The following CAMK2A variants were observed in gnomAD, a reference collection of about 807,000 sequenced individuals.
The protein encoded by CAMK2A is calcium/calmodulin-dependent protein kinase type II subunit alpha.
Under a neutral mutation model 79.2 loss-of-function variants are expected in CAMK2A, and 7 were observed. The ratio of observed to expected loss-of-function variants is 0.09; its 90% CI spans 0.05 to 0.17. The LOEUF is 0.17. CAMK2A is among the 10% of genes least tolerant of loss of function. The pLI is 1.00. For missense variants in CAMK2A, 214 were observed against 646.4 expected, an observed-to-expected ratio of 0.33 and a Z score of 7.25; for synonymous variants, 242 against 251.7, an observed-to-expected ratio of 0.96 and a Z score of 0.36.
rs779137754 is a variant in CAMK2A, at chr5:150,238,545, C to T, written c.1066+155G>A. ...CCCCCGCCCTCCATGGGAATGATGC[C>T]TCCCAGTGTGCCCAGTTTATAAGGC... On this transcript the variant is annotated intron_variant, in intron 15 of 18. Coordinates refer to ENST00000671881, the MANE Select transcript of CAMK2A (RefSeq NM_015981.4). 4.0e-6 allele frequency: 3 copies of T among 758,994 alleles called. No homozygotes were observed. In the South Asian group the frequency reaches 4.4e-5, roughly 11 times the overall value. The allele number at this position is 758,994 out of a possible 1,614,324, so 47.0% of individuals were successfully genotyped here. A position where few individuals can be genotyped will look rare whatever the true frequency, so the allele number is the denominator to read the frequency against.
intron 3 of CAMK2A, among the ~76,000 whole-genome samples, chr5:150,263,326 G>A (rs578194333): frequency 7.6e-4 from 116 of 152,132 alleles, no homozygotes; most frequent in Non-Finnish European, 8.5e-4. Context: ...CTGCAGTTGT[G>A]CAGCAACACA....
intron 2 of CAMK2A, among the ~76,000 whole-genome samples, chr5:150,270,673 A>G (rs1027759084): frequency 2.6e-5 from 4 of 152,032 alleles, no homozygotes; most frequent in African/African-American, 7.2e-5. Flanking sequence ...CCCGCTGGGA[A>G]GAAAAGCGGC....
intron 2 of CAMK2A, among the ~76,000 whole-genome samples, chr5:150,267,783 C>CA (rs1274967684): frequency 1.3e-5 from 2 of 151,648 alleles, no homozygotes; most frequent in Non-Finnish European, 2.9e-5. Flanking sequence ...GTCCCTTTAT[C>CA]AAAATCACTC....
chr5:150,282,498 G>T (rs1757256365), intron 1 of CAMK2A, among the ~76,000 whole-genome samples: 1 of 152,264 alleles, frequency 6.6e-6, no homozygotes, highest in Admixed American at 6.5e-5. Context: ...TCCCTGTCCA[G>T]AGTATACACC....
At chr5:150,224,942 C>T (rs531727825) in intron 17 of CAMK2A, among the ~76,000 whole-genome samples, 17 of 151,730 alleles carry the variant, frequency 1.1e-4, no homozygotes, top group African/African-American at 3.1e-4. Flanking sequence ...AGGTGGACTG[C>T]GTGAGCCCAG....
In CAMK2A at chr5:150,221,382, C is replaced by G. The variant is rs191193183; in HGVS notation, c.*1328G>C. Reference sequence around the variant, plus strand: ...ATTCCCAGTGCTTTGCTGTGGTCATCAGACGCCAAGGGGAGAGAGGCAATG... The same window carrying G: ...ATTCCCAGTGCTTTGCTGTGGTCATGAGACGCCAAGGGGAGAGAGGCAATG... On this transcript the variant is annotated 3_prime_UTR_variant, in exon 19 of 19. Transcript: ENST00000671881. 2.3e-5 allele frequency: 9 copies of G among 398,640 alleles called. No individual in the cohort carries two copies. Among genetic ancestry groups the G allele is most frequent in the African/African-American group, 1.6e-4 (8 of 48,712 alleles). 24.7% of individuals were successfully genotyped at this position (398,640 alleles called of 1,614,324 possible).
chr5:150,249,923 C>T (rs1755755477), intron 11 of CAMK2A, among the ~76,000 whole-genome samples: 1 of 152,154 alleles, frequency 6.6e-6, no homozygotes, highest in African/African-American at 2.4e-5. Flanking sequence ...GCCCCTGGCT[C>T]CAGACCCAGA....
At chr5:150,255,587 A>C (rs1756021097) in intron 6 of CAMK2A, among the ~76,000 whole-genome samples, 1 of 152,200 alleles carries the variant, frequency 6.6e-6, no homozygotes, top group South Asian at 2.1e-4. Context: ...GGCAGAACTG[A>C]GGTTCAGGGC....
chr5:150,233,916 G>A (rs146246992), intron 15 of CAMK2A, among the ~76,000 whole-genome samples: 92 of 152,252 alleles, frequency 6.0e-4, no homozygotes, highest in African/African-American at 2.0e-3. Context: ...GGGTTCAAGC[G>A]ATTCTCCTGC....
Position 150,256,698 on chromosome 5 carries a change from G to A in CAMK2A, c.339-53C>T. On this transcript the variant is annotated intron_variant, in intron 5 of 18. Coordinates refer to ENST00000671881, the MANE Select transcript of CAMK2A (RefSeq NM_015981.4). This position sits in a 1 kb window ranked among gnomAD's most constrained non-coding sequence, Gnocchi z 4.6. ...GGTGGTGTGAGCACAGGCCTCCCCTGGGAAGCTGACAGCAGGCAAGAGTGC... is the reference window on the plus strand; with the variant it reads ...GGTGGTGTGAGCACAGGCCTCCCCTAGGAAGCTGACAGCAGGCAAGAGTGC... 6.2e-7 allele frequency: 1 copy of A among 1,608,450 alleles called. No homozygotes were observed. Among genetic ancestry groups the A allele is most frequent in the African/African-American group, 1.3e-5 (1 of 74,920 alleles).
At chr5:150,228,432 T>A in intron 16 of CAMK2A, 146 bp from the exon 17 acceptor site, 1 of 623,268 alleles carries the variant, frequency 1.6e-6, no homozygotes, top group Non-Finnish European at 2.8e-6. Context: ...GGCTTGCAAG[T>A]TATAAAGTAT....
intron 13 of CAMK2A, among the ~76,000 whole-genome samples, chr5:150,244,471 CAGA>C (rs1340140821): frequency 2.0e-5 from 3 of 152,196 alleles, no homozygotes; most frequent in Non-Finnish European, 4.4e-5. Flanking sequence ...GATCGAGTGG[CAGA>C]GGAGGAGGGA....
At chr5:150,283,922 G>C (rs555880269) in intron 1 of CAMK2A, among the ~76,000 whole-genome samples, 15 of 152,264 alleles carry the variant, frequency 9.9e-5, no homozygotes, top group Admixed American at 8.5e-4. Context: ...CTCCAGCACA[G>C]AAAGTCTCAC....
At chr5:150,251,301 C>T (rs1460200746) in intron 9 of CAMK2A, among the ~76,000 whole-genome samples, 2 of 152,186 alleles carry the variant, frequency 1.3e-5, no homozygotes, top group Non-Finnish European at 2.9e-5. Flanking sequence ...GGTTCAAATC[C>T]CACCTCTACC....
chr5:150,289,870 C>T (rs1053204607), upstream of CAMK2A: 1 of 523,110 alleles, frequency 1.9e-6, no homozygotes, highest in African/African-American at 1.9e-5. Flanking sequence ...CCCGTTGCCC[C>T]GGTAACTGCC....
intron 2 of CAMK2A, among the ~76,000 whole-genome samples, chr5:150,270,364 A>G (rs926989503): frequency 1.2e-4 from 18 of 152,226 alleles, no homozygotes; most frequent in African/African-American, 4.3e-4. Flanking sequence ...GTTTCTTTGA[A>G]TTGTTTATAC....
At chr5:150,231,885 C>T (rs987199610) in intron 15 of CAMK2A, among the ~76,000 whole-genome samples, 2 of 152,300 alleles carry the variant, frequency 1.3e-5, no homozygotes, top group African/African-American at 2.4e-5. Flanking sequence ...TTAGGGTATA[C>T]GCATCCCTTG....
intron 1 of CAMK2A, among the ~76,000 whole-genome samples, chr5:150,277,592 C>T (rs1269354894): frequency 6.6e-6 from 1 of 152,234 alleles, no homozygotes; most frequent in Non-Finnish European, 1.5e-5. Flanking sequence ...CACTGAAGGT[C>T]CATGCCGTAG....
intron 2 of CAMK2A, among the ~76,000 whole-genome samples, chr5:150,271,262 G>C (rs1184721430): frequency 6.6e-6 from 1 of 152,206 alleles, no homozygotes; most frequent in Non-Finnish European, 1.5e-5. Flanking sequence ...CATACTGACT[G>C]TATAGCACGT....
Sources: gnomAD v4.1 joint callset for allele counts (sites outside exome capture counted in the v4.1 genomes callset) on GRCh38, gnomAD v4.1.1 for gene constraint, Gnocchi (gnomAD v3.1) non-coding constraint, MANE v1.5 for transcripts, NCBI Gene and HGNC (gene_info 2026-07-23, HGNC 2026-07-21) for gene names.